The following SENP3 variants were observed in gnomAD, a reference collection of about 807,000 sequenced individuals.
SENP3 encodes the protein sentrin-specific protease 3.
In SENP3, 11 loss-of-function variants were observed where a neutral mutation model predicts 66.2. That is an observed-to-expected ratio of 0.17 (90% CI 0.10 to 0.28). SENP3 has a LOEUF of 0.28. Among genes scored for constraint, SENP3 ranks in the 10% least tolerant of loss-of-function variants. The pLI, the probability that SENP3 is intolerant of heterozygous loss-of-function variation, is 1.00. For missense variants in SENP3, 548 were observed against 743.7 expected, an observed-to-expected ratio of 0.74 and a Z score of 3.06; for synonymous variants, 292 against 277.6, an observed-to-expected ratio of 1.05 and a Z score of -0.52.
At position 7,565,013 on chromosome 17, in the gene SENP3, A is replaced by T. The variant is rs1260518428; in HGVS notation, c.1010A>T (p.Asp337Val). ...GGCAGCCTCATACCCCTCAGCACTG[A>T]TGAGGTAGTAGAGAAGCTGGAGGAC... ...TYGSLIPLST[D>V]EVVEKLEDIF... The change falls in exon 4 of 11, where the codon GAT becomes GTT. Residue 337 changes from aspartate (D) to valine (V), a missense_variant. Asp to Val is a radical substitution (Grantham distance 152). Coordinates refer to ENST00000321337, the MANE Select transcript of SENP3 (RefSeq NM_015670.6). 1 of 1,613,740 alleles carries T rather than the reference A, an allele frequency of 6.2e-7. No individual in the cohort carries two copies. The highest frequency in any genetic ancestry group is 2.2e-5 in the East Asian group (1 of 44,884).
At chr17:7,565,855 G>C (rs2071263139) in intron 6 of SENP3, 91 bp downstream of exon 6, 13 of 1,126,836 alleles carry the variant, frequency 1.2e-5, no homozygotes, top group Non-Finnish European at 1.6e-5. Flanking sequence ...ATTTTACACA[G>C]AGAGGGTCTC....
In SENP3 at chr17:7,571,375, C is replaced by T. The variant is rs749297883; in HGVS notation, c.1617C>T (p.Tyr539=). 1.9e-6 allele frequency: 3 copies of T among 1,612,848 alleles called. No individual in the cohort carries two copies. Among genetic ancestry groups the T allele is most frequent in the South Asian group, 1.1e-5 (1 of 91,062 alleles). Residue 539 remains tyrosine (Y), a splice_region_variant and synonymous_variant, in exon 11 of 11, where the codon TAC becomes TAT. Coordinates refer to ENST00000321337, the MANE Select transcript of SENP3 (RefSeq NM_015670.6). ...DSDCGAFVLQ[Y]CKHLALSQPF... is the part of the protein sequence containing the mutation. The stretch of plus-strand genomic sequence containing the variant: ...TGGCTTGCTTTGTTAACACCCAGTA[C>T]TGCAAGCATCTGGCCCTGTCTCAGC...
Position 7,564,990 on chromosome 17 carries a change from C to A in SENP3, c.987C>A (p.Gly329=). The A allele has an allele frequency of 6.2e-7, 1 of 1,613,540 alleles. No individual in the cohort carries two copies. Among genetic ancestry groups the A allele is most frequent in the Non-Finnish European group, 8.5e-7 (1 of 1,179,472 alleles). Residue 329 remains glycine (G), a synonymous_variant, in exon 4 of 11, where the codon GGC becomes GGA. Transcript: ENST00000321337. The part of the protein sequence containing the change: ...SILDEFLQTY[G]SLIPLSTDEV... The stretch of plus-strand genomic sequence containing the variant: ...TGGACGAATTCCTTCAAACGTATGG[C>A]AGCCTCATACCCCTCAGCACTGATG...
chr17:7,568,760 C>G (rs1478210867), intron 7 of SENP3, among the ~76,000 whole-genome samples: 1 of 152,174 alleles, frequency 6.6e-6, no homozygotes, highest in Non-Finnish European at 1.5e-5. Context: ...AATGTGTTTC[C>G]ATGAGTTCTG....
At chr17:7,568,320 G>T (rs187616708) in intron 7 of SENP3, among the ~76,000 whole-genome samples, 1 of 152,234 alleles carries the variant, frequency 6.6e-6, no homozygotes. Flanking sequence ...GAAAGGGGCC[G>T]GGTGCGGCGG....
chr17:7,569,111 C>T (rs969144030), intron 7 of SENP3, among the ~76,000 whole-genome samples: 6 of 152,020 alleles, frequency 3.9e-5, no homozygotes, highest in East Asian at 1.9e-4. Context: ...TTTTGCCGGG[C>T]GCGGTGGCTC....
chr17:7,568,551 T>C (rs932082282), intron 7 of SENP3, among the ~76,000 whole-genome samples: 7 of 151,970 alleles, frequency 4.6e-5, no homozygotes, highest in African/African-American at 1.5e-4. Flanking sequence ...ATTGTGCCAC[T>C]GCACTCCACC....
Position 7,563,205 on chromosome 17 carries a change from G to A in SENP3, c.129G>A (p.Lys43=), listed in dbSNP as rs1334654158. ...CCCCACCTCCCAAACCCCGACTCAA[G>A]TCAGGTGGAGGGTTTGGGCCAGATC... ...RWPPPPKPRL[K]SGGGFGPDPG... The change falls in exon 2 of 11, where the codon AAG becomes AAA. Residue 43 remains lysine (K), a synonymous_variant. Transcript: ENST00000321337. The A allele has an allele frequency of 6.4e-7, 1 of 1,572,278 alleles. No homozygotes were observed. The highest frequency in any genetic ancestry group is 1.4e-5 in the African/African-American group (1 of 73,798).
At chr17:7,564,530 C>G (rs747873124) in intron 2 of SENP3, 95 bp from the exon 3 acceptor site, 1 of 1,515,466 alleles carries the variant, frequency 6.6e-7, no homozygotes, top group Admixed American at 1.9e-5. Flanking sequence ...ATCCTTCTTG[C>G]GGTCTTATTT....
rs79377982 is a variant in SENP3 at position 7,565,202 on chromosome 17, G to A, written c.1067+132G>A. 8.6e-3 allele frequency: 7,101 copies of A among 828,204 alleles called. 43 individuals carry two copies. The highest frequency in any genetic ancestry group is 0.011 in the Non-Finnish European group (5,705 of 524,324). 51.3% of individuals were successfully genotyped at this position (828,204 alleles called of 1,614,324 possible). A position where few individuals can be genotyped will look rare whatever the true frequency, so the allele number is the denominator to read the frequency against. On this transcript the variant is annotated intron_variant, in intron 4 of 10. Coordinates refer to ENST00000321337, the MANE Select transcript of SENP3 (RefSeq NM_015670.6). ...AGAGCTGAAGGGGAGGACTCTGCAGGCAGGTGCCAAATCCTTGGAAGCTGA... is the reference window on the plus strand; with the variant it reads ...AGAGCTGAAGGGGAGGACTCTGCAGACAGGTGCCAAATCCTTGGAAGCTGA...
Position 7,564,869 on chromosome 17 carries a change from G to A in SENP3, c.955+5G>A, listed in dbSNP as rs1309152688. On this transcript the variant is annotated splice_donor_5th_base_variant and intron_variant, in intron 3 of 10. Transcript: ENST00000321337. ...AGCATGTGACCTGCGTACAGAGTAA[G>A]GAGCCCTTAAGCAACTAGCCTCTCT... The A allele has an allele frequency of 6.2e-7, 1 of 1,605,572 alleles. No individual in the cohort carries two copies. Among genetic ancestry groups the A allele is most frequent in the Non-Finnish European group, 8.5e-7 (1 of 1,174,044 alleles).
rs2071241935 is a variant in SENP3 at position 7,563,609 on chromosome 17, A to AGAACTGAGCCAG, written c.534_535insAACTGAGCCAGG (p.Gln178_Val179insAsnTer). On this transcript the variant is annotated stop_gained and inframe_insertion, in exon 2 of 11. Coordinates refer to ENST00000321337, the MANE Select transcript of SENP3 (RefSeq NM_015670.6). LOFTEE classifies it high-confidence loss of function. ...CCCCAGCAAGGGGGTGCGACGCCAC[A>AGAACTGAGCCAG]GGTGCCATCCCCCTGTTGTCGTTTT... 6.3e-7 allele frequency: 1 copy of AGAACTGAGCCAG among 1,590,822 alleles called. No individual in the cohort carries two copies. Among genetic ancestry groups the AGAACTGAGCCAG allele is most frequent in the South Asian group, 1.1e-5 (1 of 88,274 alleles).
In SENP3 at chr17:7,564,825, C is replaced by T. The variant is rs745507130; in HGVS notation, c.916C>T (p.His306Tyr). ...GAGGCCTGGGGAGAAAGCCGGCCAGCACAGCCCCCTGCGAGAGGAGCATGT... is the reference window on the plus strand; with the variant it reads ...GAGGCCTGGGGAGAAAGCCGGCCAGTACAGCCCCCTGCGAGAGGAGCATGT... ...AERPGEKAGQ[H>Y]SPLREEHVTC... is the part of the protein sequence containing the mutation. The change falls in exon 3 of 11, where the codon CAC (histidine) becomes TAC (tyrosine). Residue 306 changes from histidine to tyrosine, a missense_variant. By Grantham distance (83) the His-to-Tyr change is moderately conservative. This residue lies in a region of SENP3 where 215 missense variants were observed against 230.7 expected (regional missense o/e 0.93). Transcript: ENST00000321337. The T allele has an allele frequency of 1.7e-5, 28 of 1,612,794 alleles. No homozygotes were observed. The highest frequency in any genetic ancestry group is 5.3e-5 in the African/African-American group (4 of 74,908).
At position 7,562,094 on chromosome 17, in the gene SENP3, C is replaced by T; in HGVS notation, c.-181C>T. 1 of 398,324 alleles carries T rather than the reference C, an allele frequency of 2.5e-6. No individual in the cohort carries two copies. The allele number at this position is 398,324 out of a possible 1,614,324, so 24.7% of individuals were successfully genotyped here. ...GAGCCAGAGGCGGCGCGGCGGGGTG[C>T]TCGGCGGCGCGGCACGCGGCCCAGA... On this transcript the variant is annotated 5_prime_UTR_variant, in exon 1 of 11. Coordinates refer to ENST00000321337, the MANE Select transcript of SENP3 (RefSeq NM_015670.6). The surrounding 1 kb of genome is among the most constrained non-coding windows in gnomAD (Gnocchi z 5.0).
intron 7 of SENP3, among the ~76,000 whole-genome samples, chr17:7,569,724 T>C (rs939703833): frequency 1.3e-5 from 2 of 152,194 alleles, no homozygotes; most frequent in Admixed American, 6.5e-5. Context: ...CATACTGAGT[T>C]TGAGTCCCAC....
chr17:7,569,822 C>T (rs1399497628), intron 7 of SENP3, among the ~76,000 whole-genome samples: 1 of 152,232 alleles, frequency 6.6e-6, no homozygotes. Context: ...ATGTTGAGAA[C>T]TTCCCGGTAG....
chr17:7,564,380 T>G (rs2071250716), intron 2 of SENP3: 1 of 674,594 alleles, frequency 1.5e-6, no homozygotes, highest in South Asian at 1.5e-5. Context: ...TTCTAAATGC[T>G]AATCCTTTTT....
In SENP3 at chr17:7,570,868, C is replaced by CT; in HGVS notation, c.1564-12dup. On this transcript the variant is annotated splice_polypyrimidine_tract_variant and intron_variant, in intron 9 of 10. Coordinates refer to ENST00000321337, the MANE Select transcript of SENP3 (RefSeq NM_015670.6). The surrounding 1 kb of genome is among the most constrained non-coding windows in gnomAD (Gnocchi z 5.4). ...AGTCTCCATGTGAAGGGCCTGCTTT[C>CT]TTTCTCTTCTCTAGAATGTGGCCAG... The CT allele has an allele frequency of 6.2e-7, 1 of 1,612,386 alleles. No homozygotes were observed. The highest frequency in any genetic ancestry group is 2.2e-5 in the East Asian group (1 of 44,864).
Position 7,571,743 on chromosome 17 carries a change from G to C in SENP3, c.*260G>C, listed in dbSNP as rs1158012917. ...GTGGCCCTGTGGCCTGGGTGGAGCAGTCATCCTCCCCCTTCCCCGTGCAGG... is the reference window on the plus strand; with the variant it reads ...GTGGCCCTGTGGCCTGGGTGGAGCACTCATCCTCCCCCTTCCCCGTGCAGG... On this transcript the variant is annotated 3_prime_UTR_variant, in exon 11 of 11. Coordinates refer to ENST00000321337, the MANE Select transcript of SENP3 (RefSeq NM_015670.6). 23 of 288,808 alleles carry C rather than the reference G, an allele frequency of 8.0e-5. No homozygotes were observed. The highest frequency in any genetic ancestry group is 4.5e-4 in the African/African-American group (19 of 41,788). The allele number at this position is 288,808 out of a possible 1,614,324, so 17.9% of individuals were successfully genotyped here. A position where few individuals can be genotyped will look rare whatever the true frequency, so the allele number is the denominator to read the frequency against.
Sources: gnomAD v4.1 joint callset for allele counts (sites outside exome capture counted in the v4.1 genomes callset) on GRCh38, gnomAD v4.1.1 for gene constraint, gnomAD v4.1.1 regional missense constraint, Gnocchi (gnomAD v3.1) non-coding constraint, MANE v1.5 for transcripts, NCBI Gene and HGNC (gene_info 2026-07-23, HGNC 2026-07-21) for gene names.